ARHGEF6: variants seen among roughly 807,000 people sequenced by gnomAD.
ARHGEF6 encodes the protein rho guanine nucleotide exchange factor 6.
Under a neutral mutation model 70.3 loss-of-function variants are expected in ARHGEF6, and 9 were observed. The ratio of observed to expected loss-of-function variants is 0.13; its 90% CI spans 0.08 to 0.22. The LOEUF (loss-of-function observed/expected upper bound fraction) is 0.22, where lower values mean the gene tolerates loss of function less well. Among genes scored for constraint, ARHGEF6 ranks in the 10% least tolerant of loss-of-function variants. The pLI, the probability that ARHGEF6 is intolerant of heterozygous loss-of-function variation, is 1.00. For missense variants in ARHGEF6, 470 were observed against 563.0 expected, an observed-to-expected ratio of 0.83 and a Z score of 1.67; for synonymous variants, 201 against 207.8, an observed-to-expected ratio of 0.97 and a Z score of 0.28.
At chrX:136,718,255 A>C (rs1403136006) in intron 6 of ARHGEF6, among the ~76,000 whole-genome samples, 1 of 111,667 alleles carries the variant, frequency 9.0e-6, no homozygotes, top group Admixed American at 9.5e-5. Context: ...AGCACGAAAA[A>C]TTATCAGGAA....
At chrX:136,765,615 G>T (rs2077306094) in intron 2 of ARHGEF6, among the ~76,000 whole-genome samples, 1 of 112,678 alleles carries the variant, frequency 8.9e-6, no homozygotes, top group Non-Finnish European at 1.9e-5. Flanking sequence ...AAAATTAGTA[G>T]CTTGGAAGAC....
At chrX:136,776,227 A>G (rs1233527662) in intron 2 of ARHGEF6, among the ~76,000 whole-genome samples, 1 of 112,011 alleles carries the variant, frequency 8.9e-6, no homozygotes, top group South Asian at 3.7e-4. Flanking sequence ...GAACACACAT[A>G]GCCAAAGCAA....
intron 16 of ARHGEF6, 124 bp from the exon 17 acceptor site, chrX:136,678,080 G>C: frequency 1.6e-6 from 1 of 623,496 alleles, no homozygotes; most frequent in South Asian, 2.5e-5. Context: ...AAATTACACA[G>C]AGGGAATATA....
chrX:136,754,635 G>A (rs1175756233), intron 2 of ARHGEF6, among the ~76,000 whole-genome samples: 1 of 109,418 alleles, frequency 9.1e-6, no homozygotes, highest in Non-Finnish European at 1.9e-5. Flanking sequence ...AAAGAAGAAG[G>A]AACAACTGGT....
At chrX:136,752,703 G>C (rs1376369042) in intron 2 of ARHGEF6, among the ~76,000 whole-genome samples, 2 of 112,327 alleles carry the variant, frequency 1.8e-5, no homozygotes, top group Admixed American at 1.9e-4. Flanking sequence ...AGAGTTAAAA[G>C]TCTAATCAAC....
rs2077085976 is a variant in ARHGEF6 at position 136,745,400 on chromosome X, T to C, written c.335-53A>G. On this transcript the variant is annotated intron_variant, in intron 3 of 21. Transcript: ENST00000250617. ...AGGAACCACTCAGATCAGAAAAACA[T>C]CTACCGCATAACATTATCTTTCTCA... The C allele has an allele frequency of 5.9e-6, 7 of 1,179,437 alleles. No individual in the cohort carries two copies. The Admixed American group carries it at 6.6e-5, about 11-fold the overall frequency.
At chrX:136,773,676 T>A (rs896033102) in intron 2 of ARHGEF6, among the ~76,000 whole-genome samples, 6 of 112,297 alleles carry the variant, frequency 5.3e-5, no homozygotes, top group African/African-American at 1.9e-4. Flanking sequence ...GGATGTATTA[T>A]CTCATTTGAT....
chrX:136,675,501 C>T (rs2076271917), intron 18 of ARHGEF6, among the ~76,000 whole-genome samples: 1 of 110,193 alleles, frequency 9.1e-6, no homozygotes, highest in African/African-American at 3.3e-5. Flanking sequence ...ATTAACCCCA[C>T]TCAATTTTCT....
chrX:136,743,435 T>A (rs1052768190), intron 5 of ARHGEF6, 150 bp downstream of exon 5: 2 of 513,442 alleles, frequency 3.9e-6, no homozygotes, highest in Non-Finnish European at 6.5e-6. Flanking sequence ...AATCACAGAT[T>A]TTTCCCAGTT....
At chrX:136,749,698 C>T (rs927060901) in intron 2 of ARHGEF6, among the ~76,000 whole-genome samples, 10 of 111,457 alleles carry the variant, frequency 9.0e-5, no homozygotes, top group Admixed American at 3.8e-4. Context: ...GAACTGTACT[C>T]GGTTCTCTTT....
chrX:136,719,576 T>A (rs1160061124), intron 6 of ARHGEF6, among the ~76,000 whole-genome samples: 1 of 111,275 alleles, frequency 9.0e-6, no homozygotes, highest in Non-Finnish European at 1.9e-5. Context: ...AAATAAATAA[T>A]CTAAACTTCC....
chrX:136,727,399 C>CTTTCTT (rs1569411046), intron 6 of ARHGEF6, among the ~76,000 whole-genome samples: 1 of 70,412 alleles, frequency 1.4e-5, no homozygotes, highest in Non-Finnish European at 2.8e-5. Context: ...CTTTCTTTCT[C>CTTTCTT]TCTCTCTCTC....
chrX:136,772,064 G>T (rs976214844), intron 2 of ARHGEF6, among the ~76,000 whole-genome samples: 1 of 112,361 alleles, frequency 8.9e-6, no homozygotes, highest in African/African-American at 3.2e-5. Context: ...ACACAATGGA[G>T]TACTATTCAG....
At chrX:136,727,355 TTC>T (rs1232315776) in intron 6 of ARHGEF6, among the ~76,000 whole-genome samples, 2 of 58,087 alleles carry the variant, frequency 3.4e-5, no homozygotes, top group African/African-American at 7.0e-5. Context: ...CTTTCTTTCT[TTC>T]TTTCTTTCTT....
chrX:136,769,303 T>C (rs1450963596), intron 2 of ARHGEF6, among the ~76,000 whole-genome samples: 1 of 110,744 alleles, frequency 9.0e-6, no homozygotes, highest in Non-Finnish European at 1.9e-5. Flanking sequence ...TCCCAGCTAC[T>C]TGGGAGGCTG....
intron 5 of ARHGEF6, among the ~76,000 whole-genome samples, chrX:136,737,784 T>C (rs1471177335): frequency 9.9e-6 from 1 of 101,457 alleles, no homozygotes; most frequent in Non-Finnish European, 2.0e-5. Context: ...TTTAAAATAT[T>C]CCTCGGCAGC....
Position 136,714,371 on chromosome X carries a change from C to T in ARHGEF6, c.733-1001G>A, listed in dbSNP as rs1173786184. ...ATGGAACGAGCCTGCACATTGTGCA[C>T]ATGTACCCTAGAACTTAAAGTATAA... On this transcript the variant is annotated intron_variant, in intron 6 of 21. Coordinates refer to ENST00000250617, the MANE Select transcript of ARHGEF6 (RefSeq NM_004840.3). Among the ~76,000 whole-genome samples the T allele has an allele frequency of 2.7e-5, 3 of 111,957 alleles. No individual in the cohort carries two copies. In the East Asian group the frequency reaches 8.3e-4, roughly 31 times the overall value.
At chrX:136,713,134 C>T in intron 7 of ARHGEF6, 142 bp downstream of exon 7, 2 of 511,791 alleles carry the variant, frequency 3.9e-6, no homozygotes, top group East Asian at 7.1e-5. Context: ...TTCTGTTGCC[C>T]TGACCATGTT....
chrX:136,775,375 T>C (rs1014188818), intron 2 of ARHGEF6, among the ~76,000 whole-genome samples: 3 of 112,137 alleles, frequency 2.7e-5, no homozygotes, highest in Non-Finnish European at 5.6e-5. Flanking sequence ...ATACCAGGGA[T>C]GCAGGTTTGG....
Sources: allele counts gnomAD v4.1 joint callset (sites outside exome capture counted in the v4.1 genomes callset), GRCh38; gene constraint gnomAD v4.1.1; transcripts MANE v1.5; gene names NCBI Gene and HGNC (gene_info 2026-07-23, HGNC 2026-07-21).